Variants in DEUP1 observed in about 807,000 individuals in gnomAD.
DEUP1 encodes coiled-coil domain containing 67.
Under a neutral mutation model 87.4 loss-of-function variants are expected in DEUP1, and 82 were observed. That is an observed-to-expected ratio of 0.94 (90% CI 0.78 to 1.13). DEUP1 has a LOEUF of 1.13. Among genes scored for constraint, DEUP1 ranks in the 50% most tolerant of loss-of-function variants. The pLI, the probability that DEUP1 is intolerant of heterozygous loss-of-function variation, is 0.00. For synonymous variants in DEUP1, 214 were observed against 222.7 expected, an observed-to-expected ratio of 0.96 and a Z score of 0.35; for missense variants, 663 against 681.5, an observed-to-expected ratio of 0.97 and a Z score of 0.30.
In DEUP1 at chr11:93,332,225, C is replaced by A. The variant is rs769073020; in HGVS notation, c.-35C>A. ...ATTTTCCTCCTAACAGATTAAAAAT[C>A]AAGAAATATAAACCAGATGTAGCAG... is the stretch of plus-strand genomic sequence containing the variant. On this transcript the variant is annotated 5_prime_UTR_variant, in exon 2 of 14. Transcript: ENST00000298050. 19 of 1,585,194 alleles carry A rather than the reference C, an allele frequency of 1.2e-5. No homozygotes were observed. Among genetic ancestry groups the A allele is most frequent in the Non-Finnish European group, 1.2e-5 (14 of 1,160,234 alleles).
chr11:93,437,528 T>C lies in DEUP1; in HGVS notation c.1639-15T>C. 1 of 1,591,328 alleles carries C rather than the reference T, an allele frequency of 6.3e-7. No homozygotes were observed. On this transcript the variant is annotated splice_polypyrimidine_tract_variant and intron_variant, in intron 13 of 13. Transcript: ENST00000298050. ...TCTGTATTCCTCACTCACTTTTCTT[T>C]CTTTCTCTCTTTAGTCTCCCCCAGA...
intron 5 of DEUP1, among the ~76,000 whole-genome samples, chr11:93,364,800 T>C (rs1321094440): frequency 2.0e-5 from 3 of 152,068 alleles, no homozygotes; most frequent in Admixed American, 2.0e-4. Context: ...AAAAATTCAC[T>C]ATGTCCTCAT....
At position 93,371,081 on chromosome 11, in the gene DEUP1, A is replaced by G. The variant is rs1016487992; in HGVS notation, c.590A>G (p.Gln197Arg). The change falls in exon 7 of 14, where the codon CAG (glutamine) becomes CGG (arginine). Residue 197 changes from glutamine (Q) to arginine (R), a missense_variant. Gln to Arg is a conservative substitution (Grantham distance 43). Transcript: ENST00000298050. ...CAAACTCAACTAAATGGTAAAAAAC[A>G]GTGCTTAGAAGACAGCAGCTCTGAA... ...SYQTQLNGKK[Q>R]CLEDSSSEIP... 12 of 1,612,138 alleles carry G rather than the reference A, an allele frequency of 7.4e-6. No homozygotes were observed. In the African/African-American group the frequency reaches 1.2e-4, roughly 16 times the overall value.
intron 12 of DEUP1, among the ~76,000 whole-genome samples, chr11:93,408,997 C>A (rs1340840101): frequency 6.6e-6 from 1 of 151,872 alleles, no homozygotes; most frequent in Admixed American, 6.6e-5. Flanking sequence ...ACTGGGACTA[C>A]AGGCCCCCGC....
intron 13 of DEUP1, among the ~76,000 whole-genome samples, chr11:93,436,119 A>G (rs1948242958): frequency 6.6e-6 from 1 of 152,214 alleles, no homozygotes; most frequent in Admixed American, 6.5e-5. Context: ...GGATGTTCTG[A>G]CATGCCACAT....
In DEUP1 at chr11:93,353,137, G is replaced by C. The variant is rs541359922; in HGVS notation, c.30-2234G>C. ...GCTAGTTACTTCCTAGATATAATAG[G>C]GGTACAGGTATTGGGTAAATGCAGC... On this transcript the variant is annotated intron_variant, in intron 2 of 13. Transcript: ENST00000298050. Among the ~76,000 whole-genome samples, 172 of 152,266 alleles carry C rather than the reference G, an allele frequency of 1.1e-3. 2 individuals are homozygous for C. Among genetic ancestry groups the C allele is most frequent in the South Asian group, 2.9e-3 (14 of 4,818 alleles).
chr11:93,332,563 G>A (rs1489102032), intron 2 of DEUP1, among the ~76,000 whole-genome samples: 1 of 152,188 alleles, frequency 6.6e-6, no homozygotes, highest in African/African-American at 2.4e-5. Flanking sequence ...GGCAGGCCTC[G>A]TGTGCTCTTC....
intron 2 of DEUP1, among the ~76,000 whole-genome samples, chr11:93,343,455 C>A (rs1944178996): frequency 6.6e-6 from 1 of 152,000 alleles, no homozygotes; most frequent in African/African-American, 2.4e-5. Context: ...TGTCAATATG[C>A]AATAGGAATT....
At position 93,346,989 on chromosome 11, in the gene DEUP1, C is replaced by T. The variant is rs183957166; in HGVS notation, c.30-8382C>T. ...GATATAGGATCATGTCATCTGCAAA[C>T]AAGGATAGTTTGACTTCCTCTCTTC... On this transcript the variant is annotated intron_variant, in intron 2 of 13. Coordinates refer to ENST00000298050, the MANE Select transcript of DEUP1 (RefSeq NM_181645.4). Among the ~76,000 whole-genome samples the T allele has an allele frequency of 3.3e-3, 507 of 152,282 alleles. 2 individuals carry two copies. Among genetic ancestry groups the T allele is most frequent in the African/African-American group, 0.012 (483 of 41,550 alleles).
chr11:93,399,311 A>G (rs1947043382), intron 11 of DEUP1, among the ~76,000 whole-genome samples: 1 of 151,960 alleles, frequency 6.6e-6, no homozygotes, highest in Admixed American at 6.5e-5. Context: ...ATTTTTATGT[A>G]AACATTAAGC....
At chr11:93,388,977 A>T in intron 8 of DEUP1, 43 bp from the exon 9 acceptor site, 1 of 1,065,184 alleles carries the variant, frequency 9.4e-7, no homozygotes, top group Non-Finnish European at 1.4e-6. Context: ...CAATTTATCA[A>T]GTTAAGCTTA....
At chr11:93,392,678 A>AAAAGAG (rs138168093) in intron 9 of DEUP1, among the ~76,000 whole-genome samples, 3 of 151,674 alleles carry the variant, frequency 2.0e-5, no homozygotes, top group African/African-American at 4.8e-5. Context: ...ATTTAAAAAA[A>AAAAGAG]AGAGAGAGCC....
intron 11 of DEUP1, among the ~76,000 whole-genome samples, chr11:93,406,402 A>G (rs1235204570): frequency 6.6e-6 from 1 of 151,998 alleles, no homozygotes; most frequent in African/African-American, 2.4e-5. Context: ...TATTTTCATC[A>G]ATATGTGATT....
rs185683262 is a variant in DEUP1, at chr11:93,421,008, C to G, written c.1638+5894C>G. Among the ~76,000 whole-genome samples the G allele has an allele frequency of 5.6e-4, 21 of 37,312 alleles. 9 individuals carry two copies. Among genetic ancestry groups the G allele is most frequent in the Non-Finnish European group, 1.0e-3 (21 of 20,112 alleles). 24.5% of individuals were successfully genotyped at this position (37,312 alleles called of 152,430 possible). ...ACCGGATGGCCGAATAGGAACAGCTCCGGTCTACAGCTCCCAGCGTGAGCG... is the reference window on the plus strand; with the variant it reads ...ACCGGATGGCCGAATAGGAACAGCTGCGGTCTACAGCTCCCAGCGTGAGCG... On this transcript the variant is annotated intron_variant, in intron 13 of 13. Coordinates refer to ENST00000298050, the MANE Select transcript of DEUP1 (RefSeq NM_181645.4).
At chr11:93,346,234 A>G (rs999422306) in intron 2 of DEUP1, among the ~76,000 whole-genome samples, 2 of 152,102 alleles carry the variant, frequency 1.3e-5, no homozygotes, top group African/African-American at 4.8e-5. Flanking sequence ...TTGTACCCAT[A>G]CCATGCTGTT....
At chr11:93,395,405 A>C (rs1946910815) in intron 10 of DEUP1, among the ~76,000 whole-genome samples, 1 of 152,180 alleles carries the variant, frequency 6.6e-6, no homozygotes, top group South Asian at 2.1e-4. Context: ...AAAATCGTGA[A>C]TTATGAAAAC....
chr11:93,415,283 G>A (rs1267140556), intron 13 of DEUP1, 169 bp downstream of exon 13: 2 of 378,672 alleles, frequency 5.3e-6, no homozygotes, highest in Admixed American at 4.5e-5. Flanking sequence ...ATCTACAGAA[G>A]GAAAAGATAT....
At chr11:93,433,715 C>A (rs1219007989) in intron 13 of DEUP1, among the ~76,000 whole-genome samples, 4 of 152,034 alleles carry the variant, frequency 2.6e-5, no homozygotes, top group Admixed American at 2.6e-4. Context: ...AAGCGATTTA[C>A]CGAGGGAGTA....
intron 9 of DEUP1, among the ~76,000 whole-genome samples, chr11:93,393,220 C>T (rs893967696): frequency 6.6e-5 from 10 of 151,990 alleles, no homozygotes; most frequent in East Asian, 1.9e-4. Context: ...CCCTTCCACC[C>T]GACTAACTGA....
Sources: allele counts gnomAD v4.1 joint callset (sites outside exome capture counted in the v4.1 genomes callset), GRCh38; gene constraint gnomAD v4.1.1; transcripts MANE v1.5; gene names NCBI Gene and HGNC (gene_info 2026-07-23, HGNC 2026-07-21).